The following PLCE1 variants were observed in gnomAD, a reference collection of about 807,000 sequenced individuals.
PLCE1 encodes the protein 1-phosphatidylinositol 4,5-bisphosphate phosphodiesterase epsilon-1.
PLCE1 carries 119 observed loss-of-function variants against 242.8 expected under a neutral mutation model. That is an observed-to-expected ratio of 0.49 (90% CI 0.42 to 0.57). PLCE1 has a LOEUF of 0.57. Among genes scored for constraint, PLCE1 ranks in the 20% least tolerant of loss-of-function variants. The pLI is 0.00. For synonymous variants in PLCE1, 945 were observed against 1,017.4 expected (o/e 0.93, Z 1.35); for missense variants, 2,441 against 2,788.8 (o/e 0.88, Z 2.81).
At chr10:94,317,254 C>CA (rs942098323) in intron 29 of PLCE1, among the ~76,000 whole-genome samples, 25 of 149,216 alleles carry the variant, frequency 1.7e-4, no homozygotes, top group African/African-American at 3.9e-4. Context: ...GACTCTGTCT[C>CA]AAAAAAAAAG....
chr10:94,174,868 A>G (rs2048083576), intron 4 of PLCE1, among the ~76,000 whole-genome samples: 1 of 152,164 alleles, frequency 6.6e-6, no homozygotes, highest in Non-Finnish European at 1.5e-5. Context: ...ATTAATGGAA[A>G]AACTGGAGAA....
chr10:94,206,062 G>T lies in PLCE1; in HGVS notation c.1810-21244G>T, dbSNP rs113449552. ...AAGATAAATATACCCTATGATAAGC[G>T]CCAGGGAGAAAAATAAAGCAAGGCA... On this transcript the variant is annotated intron_variant, in intron 4 of 32. Transcript: ENST00000371380. Among the ~76,000 whole-genome samples, 6 of 152,274 alleles carry T rather than the reference G, an allele frequency of 3.9e-5. No individual in the cohort carries two copies. The South Asian group carries it at 8.3e-4, about 21-fold the overall frequency.
In PLCE1 at chr10:94,104,824, C is replaced by T. The variant is rs528198219; in HGVS notation, c.1207-27350C>T. 6 of 152,188 alleles carry T rather than the reference C, an allele frequency of 3.9e-5. No homozygotes were observed. In the East Asian group the frequency reaches 5.8e-4, roughly 15 times the overall value. The allele number at this position is 152,188 out of a possible 1,614,324, so 9.4% of individuals were successfully genotyped here. A position where few individuals can be genotyped will look rare whatever the true frequency, so the allele number is the denominator to read the frequency against. On this transcript the variant is annotated intron_variant, in intron 2 of 32. Transcript: ENST00000371380. ...TAGAACAGATGATGGTTTTACTAGA[C>T]GAGTGTGGTTTATACTTTAGAACAG...
At chr10:94,232,200 G>A (rs1017195288) in intron 5 of PLCE1, among the ~76,000 whole-genome samples, 1 of 152,158 alleles carries the variant, frequency 6.6e-6, no homozygotes, top group Non-Finnish European at 1.5e-5. Flanking sequence ...TTTAAACTGA[G>A]AGATTGGCAC....
intron 3 of PLCE1, among the ~76,000 whole-genome samples, chr10:94,152,986 C>T (rs539852089): frequency 2.6e-5 from 4 of 152,106 alleles, no homozygotes; most frequent in South Asian, 2.1e-4. Context: ...TAACAAACAA[C>T]AATAAAAGGT....
In PLCE1 at chr10:94,254,420, T is replaced by C. The variant is rs2050992856; in HGVS notation, c.3397+113T>C. On this transcript the variant is annotated intron_variant, in intron 10 of 32. Transcript: ENST00000371380. ...GCATTGCAAACATTTCTAACAAAACTCTTTGTCCTAACCAGACAATGAAAC... is the reference window on the plus strand; with the variant it reads ...GCATTGCAAACATTTCTAACAAAACCCTTTGTCCTAACCAGACAATGAAAC... The C allele has an allele frequency of 3.8e-6, 3 of 779,542 alleles. No homozygotes were observed. In the African/African-American group the frequency reaches 5.1e-5, roughly 13 times the overall value. The allele number at this position is 779,542 out of a possible 1,614,324, so 48.3% of individuals were successfully genotyped here. A position where few individuals can be genotyped will look rare whatever the true frequency, so the allele number is the denominator to read the frequency against.
chr10:94,006,240 A>G (rs917909160), intron 1 of PLCE1, among the ~76,000 whole-genome samples: 5 of 152,266 alleles, frequency 3.3e-5, no homozygotes, highest in Admixed American at 3.3e-4. Context: ...TGAGGATTAA[A>G]TGAAATAGAG....
At chr10:94,293,679 A>G (rs760991803) in intron 23 of PLCE1, 40 bp downstream of exon 23, 9 of 1,606,498 alleles carry the variant, frequency 5.6e-6, no homozygotes, top group Non-Finnish European at 7.7e-6. Context: ...TTGATTCTGC[A>G]TGCTGGATGA....
At chr10:94,283,598 A>G in intron 20 of PLCE1, 192 bp from the exon 21 acceptor site, 2 of 502,000 alleles carry the variant, frequency 4.0e-6, no homozygotes, top group Non-Finnish European at 7.5e-6. Context: ...AATCAATTAA[A>G]TTGAAAATAA....
At chr10:94,114,176 C>G (rs2046042892) in intron 2 of PLCE1, among the ~76,000 whole-genome samples, 1 of 152,190 alleles carries the variant, frequency 6.6e-6, no homozygotes, top group Non-Finnish European at 1.5e-5. Context: ...GCCCAGAATG[C>G]TCAGAACATT....
At chr10:94,179,695 G>C (rs1406162537) in intron 4 of PLCE1, among the ~76,000 whole-genome samples, 1 of 151,044 alleles carries the variant, frequency 6.6e-6, no homozygotes, top group Non-Finnish European at 1.5e-5. Context: ...TAGTAGAGAT[G>C]GGATTTCACT....
chr10:94,302,230 T>C (rs2053064020), intron 24 of PLCE1, among the ~76,000 whole-genome samples: 2 of 152,272 alleles, frequency 1.3e-5, no homozygotes, highest in South Asian at 4.1e-4. Context: ...AAGTTAGATT[T>C]CAGTTAAGAA....
chr10:94,086,504 T>C (rs1036008518), intron 2 of PLCE1, among the ~76,000 whole-genome samples: 9 of 152,190 alleles, frequency 5.9e-5, no homozygotes, highest in Non-Finnish European at 1.2e-4. Flanking sequence ...GTCCTTTATA[T>C]CTCTGTTGTA....
intron 2 of PLCE1, among the ~76,000 whole-genome samples, chr10:94,086,664 T>C (rs1256409896): frequency 3.3e-5 from 5 of 152,184 alleles, no homozygotes; most frequent in Non-Finnish European, 7.3e-5. Context: ...TTTATTATAA[T>C]TGAATGTATG....
At chr10:94,125,455 C>T (rs1173005530) in intron 2 of PLCE1, among the ~76,000 whole-genome samples, 2 of 151,842 alleles carry the variant, frequency 1.3e-5, no homozygotes, top group Admixed American at 6.6e-5. Flanking sequence ...TGCAGTGGCG[C>T]GATCTTGGCT....
At chr10:94,091,425 G>A (rs2045067451) in intron 2 of PLCE1, among the ~76,000 whole-genome samples, 1 of 152,186 alleles carries the variant, frequency 6.6e-6, no homozygotes, top group Non-Finnish European at 1.5e-5. Context: ...CACCTGCAGA[G>A]TTGGTTACAA....
chr10:94,014,008 G>A (rs2061224738), intron 1 of PLCE1, among the ~76,000 whole-genome samples: 1 of 152,076 alleles, frequency 6.6e-6, no homozygotes, highest in East Asian at 1.9e-4. Context: ...TGGGCAGGCA[G>A]GGGATGAGGT....
chr10:94,021,061 C>G (rs1005810419), intron 1 of PLCE1, among the ~76,000 whole-genome samples: 3 of 152,088 alleles, frequency 2.0e-5, no homozygotes, highest in African/African-American at 7.2e-5. Context: ...GAACTCCTGG[C>G]CTCAAGTGAT....
chr10:94,144,039 G>A (rs1433503531), intron 3 of PLCE1, among the ~76,000 whole-genome samples: 1 of 152,190 alleles, frequency 6.6e-6, no homozygotes, highest in Admixed American at 6.5e-5. Flanking sequence ...ATTTCAAATA[G>A]ATGTTGTTGT....
Sources: allele counts gnomAD v4.1 joint callset (sites outside exome capture counted in the v4.1 genomes callset), GRCh38; gene constraint gnomAD v4.1.1; transcripts MANE v1.5; gene names NCBI Gene and HGNC (gene_info 2026-07-23, HGNC 2026-07-21).